The following PDE4D variants were observed in gnomAD, a reference collection of about 807,000 sequenced individuals.
PDE4D encodes the protein 3',5'-cyclic-AMP phosphodiesterase 4D.
Under a neutral mutation model 87.4 loss-of-function variants are expected in PDE4D, and 24 were observed. That is an observed-to-expected ratio of 0.27 (90% CI 0.20 to 0.39). The LOEUF is 0.39. Ranked by LOEUF, PDE4D falls within the 10% of genes least tolerant of loss-of-function variation. The probability of loss-of-function intolerance (pLI) is 1.00; values close to 1 mark genes in which losing one functional copy is unlikely to be tolerated. For synonymous variants in PDE4D, 384 were observed against 383.2 expected (o/e 1.00, Z -0.02); for missense variants, 714 against 1,041.0 (o/e 0.69, Z 4.32).
chr5:59,771,817 TCTG>T (rs1213316433), intron 1 of PDE4D, among the ~76,000 whole-genome samples: 2 of 152,204 alleles, frequency 1.3e-5, no homozygotes, highest in South Asian at 4.1e-4. Context: ...ACAAAAGCAT[TCTG>T]CAGATCTCCC....
At chr5:59,419,505 C>T (rs534761357) in intron 1 of PDE4D, among the ~76,000 whole-genome samples, 35 of 152,242 alleles carry the variant, frequency 2.3e-4, no homozygotes, top group African/African-American at 7.2e-4. Flanking sequence ...TTTTAAGCTC[C>T]ATGAGGGCAG....
intron 5 of PDE4D, among the ~76,000 whole-genome samples, chr5:59,152,123 T>C (rs1007217270): frequency 6.6e-6 from 1 of 152,162 alleles, no homozygotes; most frequent in African/African-American, 2.4e-5. Context: ...ATAATGACCA[T>C]GGGACATATC....
At chr5:60,210,148 T>G (rs1189209149) in intron 1 of PDE4D, among the ~76,000 whole-genome samples, 1 of 152,128 alleles carries the variant, frequency 6.6e-6, no homozygotes, top group Non-Finnish European at 1.5e-5. Context: ...ACTTAACAAA[T>G]GTACTAAATC....
At chr5:60,412,406 T>C (rs1447531793) in intron 1 of PDE4D, among the ~76,000 whole-genome samples, 2 of 152,202 alleles carry the variant, frequency 1.3e-5, no homozygotes, top group African/African-American at 4.8e-5. Flanking sequence ...CCTTACTCCA[T>C]CTGGAGGTAT....
chr5:59,144,781 C>G (rs1778361811), intron 5 of PDE4D, among the ~76,000 whole-genome samples: 1 of 148,716 alleles, frequency 6.7e-6, no homozygotes, highest in Non-Finnish European at 1.5e-5. Context: ...TAAATCACAT[C>G]AAGCCAAAAT....
At chr5:59,739,700 C>A (rs964535427) in intron 1 of PDE4D, among the ~76,000 whole-genome samples, 1 of 152,160 alleles carries the variant, frequency 6.6e-6, no homozygotes, top group Non-Finnish European at 1.5e-5. Flanking sequence ...AAGCAGAACA[C>A]GATGTCACCT....
chr5:60,079,664 T>A (rs2152902613), intron 2 of PDE4D, among the ~76,000 whole-genome samples: 1 of 152,336 alleles, frequency 6.6e-6, no homozygotes, highest in Non-Finnish European at 1.5e-5. Context: ...TTTGTCAGGT[T>A]TGTCAAAGAT....
chr5:59,774,671 AT>A (rs1005023443), intron 1 of PDE4D, among the ~76,000 whole-genome samples: 102 of 143,618 alleles, frequency 7.1e-4, no homozygotes, highest in African/African-American at 1.8e-3. Flanking sequence ...TTACAATGGC[AT>A]TTTTTTTTTC....
At chr5:59,578,082 A>G (rs984921191) in intron 1 of PDE4D, among the ~76,000 whole-genome samples, 3 of 152,152 alleles carry the variant, frequency 2.0e-5, no homozygotes, top group Non-Finnish European at 2.9e-5. Flanking sequence ...ACATTCTAAC[A>G]TAAACCACAG....
At chr5:59,597,519 GAGAGAGAA>G (rs1282731317) in intron 1 of PDE4D, among the ~76,000 whole-genome samples, 1 of 152,054 alleles carries the variant, frequency 6.6e-6, no homozygotes, top group East Asian at 1.9e-4. Flanking sequence ...AGAGGTGAGA[GAGAGAGAA>G]AGAGAGAGAG....
intron 1 of PDE4D, among the ~76,000 whole-genome samples, chr5:59,334,286 C>G (rs1296644858): frequency 4.3e-5 from 5 of 117,534 alleles, no homozygotes; most frequent in African/African-American, 6.7e-5. Context: ...GGAGATGGAG[C>G]CTAGCTCTGT....
rs3061466 is a variant in PDE4D at position 59,181,543 on chromosome 5, G to GATATAT, written c.759-905_759-900dup. The stretch of plus-strand genomic sequence containing the variant: ...CTTTTAGATACATTCAAAGATGTCT[G>GATATAT]ATATATATATATATATATATATATA... On this transcript the variant is annotated intron_variant, in intron 4 of 14. Transcript: ENST00000340635. Among the ~76,000 whole-genome samples the GATATAT allele has an allele frequency of 2.6e-3, 312 of 118,884 alleles. 11 individuals are homozygous for GATATAT. Among genetic ancestry groups the GATATAT allele is most frequent in the Middle Eastern group, 0.012 (3 of 250 alleles). 78.0% of individuals were successfully genotyped at this position (118,884 alleles called of 152,430 possible). A position where few individuals can be genotyped will look rare whatever the true frequency, so the allele number is the denominator to read the frequency against.
intron 1 of PDE4D, among the ~76,000 whole-genome samples, chr5:59,445,043 A>G (rs1798155286): frequency 6.6e-6 from 1 of 152,080 alleles, no homozygotes; most frequent in South Asian, 2.1e-4. Context: ...TAACCAAAAC[A>G]TCTCTAAAAC....
rs528993364 is a variant in PDE4D at position 60,435,608 on chromosome 5, T to C, written c.-90+52334A>G. Among the ~76,000 whole-genome samples, 33 of 152,058 alleles carry C rather than the reference T, an allele frequency of 2.2e-4. 1 individual carries two copies. The highest frequency in any genetic ancestry group is 2.1e-3 in the Admixed American group (32 of 15,250). On this transcript the variant is annotated intron_variant, in intron 1 of 16. Coordinates refer to the PDE4D transcript ENST00000502484. ...CTGAAGCCCAATATTTTATTTCTAA[T>C]TGGGGAATACCTCTTTCTATTTGCA...
chr5:60,184,754 A>G (rs1297648996), intron 2 of PDE4D, among the ~76,000 whole-genome samples: 2 of 152,224 alleles, frequency 1.3e-5, no homozygotes. Context: ...AAGTGTTCCC[A>G]TACTAGAGAA....
intron 1 of PDE4D, among the ~76,000 whole-genome samples, chr5:59,672,748 A>G (rs908590396): frequency 2.3e-4 from 35 of 152,194 alleles, no homozygotes; most frequent in African/African-American, 8.0e-4. Flanking sequence ...GATGCATATG[A>G]TCTTAAAATT....
chr5:60,465,313 T>A (rs926602411), intron 1 of PDE4D, among the ~76,000 whole-genome samples: 6 of 152,156 alleles, frequency 3.9e-5, no homozygotes, highest in Admixed American at 2.6e-4. Context: ...ATCATTTTCC[T>A]AAGTTAGTTT....
intron 1 of PDE4D, among the ~76,000 whole-genome samples, chr5:59,338,789 T>G (rs968408078): frequency 6.6e-6 from 1 of 152,202 alleles, no homozygotes; most frequent in Admixed American, 6.5e-5. Flanking sequence ...ACTTGCTTTT[T>G]TACTTAAATT....
At chr5:59,926,173 G>A (rs1755251667) in intron 3 of PDE4D, among the ~76,000 whole-genome samples, 1 of 152,074 alleles carries the variant, frequency 6.6e-6, no homozygotes, top group Admixed American at 6.5e-5. Flanking sequence ...TATCTTCTCT[G>A]ACCACAATAG....
Sources: allele counts gnomAD v4.1 joint callset (sites outside exome capture counted in the v4.1 genomes callset), GRCh38; gene constraint gnomAD v4.1.1; transcripts MANE v1.5; gene names NCBI Gene and HGNC (gene_info 2026-07-23, HGNC 2026-07-21).